GRIA3: variants seen among roughly 807,000 people sequenced by gnomAD.
GRIA3 encodes glutamate receptor 3.
A neutral mutation model predicts 63.0 loss-of-function variants in GRIA3; 3 were observed. The observed-to-expected ratio is 0.05, with a 90% CI of 0.02 to 0.12. The LOEUF (loss-of-function observed/expected upper bound fraction) is 0.12, where lower values mean the gene tolerates loss of function less well. Among genes scored for constraint, GRIA3 ranks in the 10% least tolerant of loss-of-function variants. The pLI, the probability that GRIA3 is intolerant of heterozygous loss-of-function variation, is 1.00. For missense variants in GRIA3, 347 were observed against 700.9 expected, an observed-to-expected ratio of 0.50 and a Z score of 5.70; for synonymous variants, 274 against 257.9, an observed-to-expected ratio of 1.06 and a Z score of -0.60.
intron 2 of GRIA3, among the ~76,000 whole-genome samples, chrX:123,225,219 T>C (rs1449334715): frequency 8.9e-6 from 1 of 111,884 alleles, no homozygotes; most frequent in African/African-American, 3.2e-5. Flanking sequence ...ATAACAATAG[T>C]GTTGCAAGTA....
intron 3 of GRIA3, among the ~76,000 whole-genome samples, chrX:123,277,377 C>T (rs1459542588): frequency 3.6e-5 from 4 of 111,298 alleles, no homozygotes; most frequent in African/African-American, 1.3e-4. Context: ...CAGTCTGGTT[C>T]CTACAAACTT....
intron 12 of GRIA3, among the ~76,000 whole-genome samples, chrX:123,447,504 CTT>C (rs950749997): frequency 9.0e-6 from 1 of 111,542 alleles, no homozygotes; most frequent in African/African-American, 3.3e-5. Context: ...GGTTTTCAGA[CTT>C]TGGTTTTGTT....
intron 12 of GRIA3, among the ~76,000 whole-genome samples, chrX:123,461,330 A>G (rs1056776056): frequency 1.8e-5 from 2 of 112,336 alleles, no homozygotes; most frequent in African/African-American, 6.5e-5. Flanking sequence ...CCCTACTGCA[A>G]TTAAGCTCTA....
intron 4 of GRIA3, among the ~76,000 whole-genome samples, chrX:123,350,297 CT>C (rs11388413): frequency 1.8e-5 from 2 of 109,981 alleles, no homozygotes; most frequent in South Asian, 3.9e-4. Context: ...TACATAGATC[CT>C]TTTTTGGCGC....
intron 5 of GRIA3, among the ~76,000 whole-genome samples, chrX:123,393,793 G>A (rs2045398599): frequency 8.9e-6 from 1 of 111,980 alleles, no homozygotes; most frequent in East Asian, 2.8e-4. Flanking sequence ...CTAAAGAAGG[G>A]AGGAAGAATT....
chrX:123,274,230 CTG>C lies in GRIA3; in HGVS notation c.508+20692_508+20693del, dbSNP rs763350957. Among the ~76,000 whole-genome samples, 11 of 112,456 alleles carry C rather than the reference CTG, an allele frequency of 9.8e-5. No individual in the cohort carries two copies. In the Admixed American group the frequency reaches 1.0e-3, roughly 11 times the overall value. On this transcript the variant is annotated intron_variant, in intron 3 of 15. Coordinates refer to ENST00000620443, the MANE Select transcript of GRIA3 (RefSeq NM_007325.5). ...GTTGTTTATTTGAAATTCAAATTTA[CTG>C]TGTTTCCTGTCTTTTTATTTGCTAG...
intron 12 of GRIA3, among the ~76,000 whole-genome samples, chrX:123,444,289 C>G (rs1317587300): frequency 9.0e-6 from 1 of 111,095 alleles, no homozygotes; most frequent in East Asian, 2.8e-4. Context: ...AGACATAAAC[C>G]TGGTTACCAA....
At chrX:123,328,190 C>T (rs1456005739) in intron 4 of GRIA3, among the ~76,000 whole-genome samples, 1 of 111,280 alleles carries the variant, frequency 9.0e-6, no homozygotes, top group Non-Finnish European at 1.9e-5. Flanking sequence ...AATATCTATG[C>T]CTCAGTTTTC....
At chrX:123,278,579 CT>C (rs752755305) in intron 3 of GRIA3, among the ~76,000 whole-genome samples, 10 of 111,920 alleles carry the variant, frequency 8.9e-5, no homozygotes, top group Non-Finnish European at 1.7e-4. Context: ...AGTTTTTCAT[CT>C]ATTTTGAGTT....
chrX:123,461,937 T>TA (rs1283079414), intron 12 of GRIA3, among the ~76,000 whole-genome samples: 1 of 111,587 alleles, frequency 9.0e-6, no homozygotes, highest in African/African-American at 3.3e-5. Flanking sequence ...GGTTTACTGA[T>TA]AGAATGTAGA....
chrX:123,342,502 T>C (rs1267663332), intron 4 of GRIA3, among the ~76,000 whole-genome samples: 3 of 112,197 alleles, frequency 2.7e-5, no homozygotes, highest in Non-Finnish European at 5.6e-5. Context: ...GACTCATTCA[T>C]TTGCATTCAG....
At chrX:123,461,868 T>C (rs1409579282) in intron 12 of GRIA3, among the ~76,000 whole-genome samples, 4 of 111,175 alleles carry the variant, frequency 3.6e-5, no homozygotes, top group Admixed American at 1.9e-4. Flanking sequence ...AGAAAAAACA[T>C]GGCAGAATGA....
At chrX:123,470,139 C>T (rs915744112) in intron 13 of GRIA3, among the ~76,000 whole-genome samples, 1 of 111,489 alleles carries the variant, frequency 9.0e-6, no homozygotes, top group Non-Finnish European at 1.9e-5. Flanking sequence ...TTAAAGGGAC[C>T]ATTCTGAGCC....
At chrX:123,213,096 A>G (rs1434329022) in intron 2 of GRIA3, among the ~76,000 whole-genome samples, 1 of 111,794 alleles carries the variant, frequency 8.9e-6, no homozygotes, top group Non-Finnish European at 1.9e-5. Flanking sequence ...TGTGCTCCTT[A>G]TGAGAATCTA....
intron 12 of GRIA3, among the ~76,000 whole-genome samples, chrX:123,448,573 T>C (rs528534769): frequency 2.8e-4 from 31 of 112,191 alleles, no homozygotes; most frequent in African/African-American, 9.4e-4. Context: ...CTGTCCAATA[T>C]GGTACCCACT....
intron 2 of GRIA3, among the ~76,000 whole-genome samples, chrX:123,211,929 G>A (rs201694184): frequency 2.3e-4 from 26 of 111,394 alleles, no homozygotes; most frequent in Non-Finnish European, 4.1e-4. Flanking sequence ...TTATTGTACC[G>A]TATAGTATCG....
chrX:123,412,570 G>A (rs2045513009), intron 10 of GRIA3, among the ~76,000 whole-genome samples: 1 of 111,363 alleles, frequency 9.0e-6, no homozygotes, highest in African/African-American at 3.3e-5. Context: ...CTGGCTCTGA[G>A]CTGACATGAG....
At chrX:123,458,066 G>C (rs916924091) in intron 12 of GRIA3, among the ~76,000 whole-genome samples, 3 of 111,186 alleles carry the variant, frequency 2.7e-5, no homozygotes, top group African/African-American at 9.8e-5. Context: ...TGTGGCAGTA[G>C]ATTCCAGGCT....
chrX:123,401,930 G>T (rs760124504), intron 7 of GRIA3, among the ~76,000 whole-genome samples: 15 of 111,773 alleles, frequency 1.3e-4, no homozygotes, highest in Non-Finnish European at 2.4e-4. Context: ...TTTGTAGAGG[G>T]TATTTCATCC....
Sources: allele counts gnomAD v4.1 joint callset (sites outside exome capture counted in the v4.1 genomes callset), GRCh38; gene constraint gnomAD v4.1.1; transcripts MANE v1.5; gene names NCBI Gene and HGNC (gene_info 2026-07-23, HGNC 2026-07-21).